GRM7: variants seen among roughly 807,000 people sequenced by gnomAD.
GRM7 encodes the protein glutamate metabotropic receptor 7.
GRM7 carries 35 observed loss-of-function variants against 84.5 expected under a neutral mutation model. The ratio of observed to expected loss-of-function variants is 0.41; its 90% CI spans 0.32 to 0.55. The LOEUF is 0.55. Among genes scored for constraint, GRM7 ranks in the 20% least tolerant of loss-of-function variants. The pLI is 0.19. For missense variants in GRM7, 1,003 were observed against 1,194.6 expected (o/e 0.84, Z 2.36); for synonymous variants, 487 against 455.1 (o/e 1.07, Z -0.89).
intron 8 of GRM7, among the ~76,000 whole-genome samples, chr3:7,582,202 A>T (rs1453550451): frequency 6.6e-6 from 1 of 152,160 alleles, no homozygotes; most frequent in African/African-American, 2.4e-5. Context: ...TAAAAAGCAA[A>T]AGCTTGCCTT....
chr3:7,405,644 C>A (rs73810614), intron 4 of GRM7, among the ~76,000 whole-genome samples: 1 of 152,128 alleles, frequency 6.6e-6, no homozygotes, highest in African/African-American at 2.4e-5. Flanking sequence ...TCTTGGAGAA[C>A]GGCTCTTGTA....
At chr3:7,725,890 T>C (rs982258064) in intron 9 of GRM7, among the ~76,000 whole-genome samples, 20 of 151,814 alleles carry the variant, frequency 1.3e-4, no homozygotes, top group African/African-American at 4.1e-4. Flanking sequence ...AGAGATACTT[T>C]ATTGAAAAAA....
intron 1 of GRM7, among the ~76,000 whole-genome samples, chr3:6,906,067 G>C (rs967603154): frequency 5.9e-5 from 9 of 152,180 alleles, no homozygotes; most frequent in Admixed American, 5.9e-4. Flanking sequence ...GTTCAACTGG[G>C]AACATTTTTC....
intron 8 of GRM7, among the ~76,000 whole-genome samples, chr3:7,643,412 A>G (rs576322931): frequency 6.6e-6 from 1 of 152,306 alleles, no homozygotes; most frequent in South Asian, 2.1e-4. Context: ...CCCTACTTTA[A>G]AAGAGTCATT....
At chr3:6,951,915 T>A (rs749574549) in intron 1 of GRM7, among the ~76,000 whole-genome samples, 5 of 152,226 alleles carry the variant, frequency 3.3e-5, no homozygotes, top group South Asian at 2.1e-4. Flanking sequence ...GTCCTCTTGA[T>A]AAATTGTCCC....
chr3:6,891,167 G>A (rs1189857495), intron 1 of GRM7, among the ~76,000 whole-genome samples: 2 of 152,052 alleles, frequency 1.3e-5, no homozygotes, highest in Non-Finnish European at 1.5e-5. Context: ...GCACACTGAT[G>A]GGTCTTGACT....
At chr3:7,674,783 C>A (rs9826181) in intron 8 of GRM7, among the ~76,000 whole-genome samples, 2 of 152,118 alleles carry the variant, frequency 1.3e-5, no homozygotes, top group Non-Finnish European at 2.9e-5. Flanking sequence ...ACAGCACATA[C>A]GCCAGTCCAG....
At chr3:7,200,834 C>T (rs1252880642) in intron 2 of GRM7, among the ~76,000 whole-genome samples, 4 of 152,292 alleles carry the variant, frequency 2.6e-5, no homozygotes, top group South Asian at 4.1e-4. Flanking sequence ...GTCACTCCTC[C>T]TCACCGTATT....
chr3:7,304,377 A>C (rs1700117283), intron 3 of GRM7, among the ~76,000 whole-genome samples: 1 of 90,850 alleles, frequency 1.1e-5, no homozygotes, highest in Non-Finnish European at 2.3e-5. Flanking sequence ...ATGTCTTCTC[A>C]TTTTCTCTTG....
At chr3:7,684,836 A>C (rs908294616) in intron 9 of GRM7, among the ~76,000 whole-genome samples, 4 of 152,288 alleles carry the variant, frequency 2.6e-5, no homozygotes, top group African/African-American at 9.6e-5. Flanking sequence ...CTCAGAGGGC[A>C]TAGGGCTGTA....
intron 4 of GRM7, among the ~76,000 whole-genome samples, chr3:7,402,145 G>A (rs1280092638): frequency 6.6e-6 from 1 of 152,108 alleles, no homozygotes; most frequent in Non-Finnish European, 1.5e-5. Flanking sequence ...CAACTCCTGA[G>A]TTTACATCTC....
intron 1 of GRM7, among the ~76,000 whole-genome samples, chr3:7,080,423 T>C (rs1698239466): frequency 6.6e-6 from 1 of 152,038 alleles, no homozygotes; most frequent in East Asian, 1.9e-4. Flanking sequence ...AAATCCAAAA[T>C]GTGGACCTTC....
intron 7 of GRM7, among the ~76,000 whole-genome samples, chr3:7,574,433 CA>C (rs1444693197): frequency 3.9e-5 from 6 of 152,194 alleles, no homozygotes; most frequent in African/African-American, 1.2e-4. Flanking sequence ...GCTGGGATTA[CA>C]GGCGTGAGCC....
At chr3:7,734,185 A>G (rs1702423184) in intron 9 of GRM7, among the ~76,000 whole-genome samples, 1 of 135,000 alleles carries the variant, frequency 7.4e-6, no homozygotes, top group Admixed American at 8.7e-5. Context: ...CTGCCTCACC[A>G]TCCACTGACC....
chr3:7,227,661 C>T (rs541281627), intron 2 of GRM7, among the ~76,000 whole-genome samples: 7 of 152,110 alleles, frequency 4.6e-5, no homozygotes, highest in Non-Finnish European at 8.8e-5. Context: ...AAGAAGTCAA[C>T]AAATGGAAGG....
intron 7 of GRM7, among the ~76,000 whole-genome samples, chr3:7,467,457 G>A (rs1005445749): frequency 6.6e-6 from 1 of 152,120 alleles, no homozygotes; most frequent in Non-Finnish European, 1.5e-5. Flanking sequence ...AAGTAATTCA[G>A]TTTAAGCCAA....
At chr3:7,213,404 C>G (rs2124852758) in intron 2 of GRM7, among the ~76,000 whole-genome samples, 1 of 151,990 alleles carries the variant, frequency 6.6e-6, no homozygotes, top group Non-Finnish European at 1.5e-5. Context: ...GTAGTAAGGC[C>G]CTTGGAGATC....
At chr3:7,619,724 T>C (rs1251428619) in intron 8 of GRM7, among the ~76,000 whole-genome samples, 1 of 152,114 alleles carries the variant, frequency 6.6e-6, no homozygotes, top group Non-Finnish European at 1.5e-5. Flanking sequence ...TACTGAAGGC[T>C]GACTTAAAGA....
In GRM7 at chr3:7,684,998, C is replaced by T. The variant is rs748451505; in HGVS notation, c.2698+4703C>T. ...AGAAGAAGGGCACCTCAAACTGTTT[C>T]TCCCACCTGCATCCTGAATTTGGCA... On this transcript the variant is annotated intron_variant, in intron 9 of 9. Coordinates refer to ENST00000357716, the MANE Select transcript of GRM7 (RefSeq NM_000844.4). 9.2e-5 allele frequency among the ~76,000 whole-genome samples: 14 copies of T among 152,222 alleles called. No individual in the cohort carries two copies. In the East Asian group the frequency reaches 9.6e-4, roughly 10 times the overall value.
Sources: gnomAD v4.1 joint callset for allele counts (sites outside exome capture counted in the v4.1 genomes callset) on GRCh38, gnomAD v4.1.1 for gene constraint, MANE v1.5 for transcripts, NCBI Gene and HGNC (gene_info 2026-07-23, HGNC 2026-07-21) for gene names.